Variants in TFEB observed in about 807,000 individuals in gnomAD.
TFEB encodes T-cell transcription factor EB.
A neutral mutation model predicts 48.0 loss-of-function variants in TFEB; 12 were observed. That is an observed-to-expected ratio of 0.25 (90% CI 0.16 to 0.40). The LOEUF is 0.40. TFEB is among the 10% of genes least tolerant of loss of function. The pLI, the probability that TFEB is intolerant of heterozygous loss-of-function variation, is 1.00. For synonymous variants in TFEB, 244 were observed against 261.4 expected (o/e 0.93, Z 0.64); for missense variants, 509 against 640.3 (o/e 0.79, Z 2.21).
At position 41,686,233 on chromosome 6, in the gene TFEB, C is replaced by T. The variant is rs762070252; in HGVS notation, c.808G>A (p.Val270Met). 1.7e-5 allele frequency: 27 copies of T among 1,613,942 alleles called. No homozygotes were observed. The Admixed American group carries it at 2.7e-4, about 16-fold the overall frequency. Reference protein sequence around the residue: ...MLIPKANDLDVRWNKGTILKA... With the variant: ...MLIPKANDLDMRWNKGTILKA... ...AGGATGGTGCCCTTGTTCCAGCGCACGTCCCTGCAGCAGCAGGCCAGGCAA... is the reference window on the plus strand; with the variant it reads ...AGGATGGTGCCCTTGTTCCAGCGCATGTCCCTGCAGCAGCAGGCCAGGCAA... The change falls in exon 8 of 9, where the codon GTG becomes ATG. Residue 270 changes from valine to methionine, a missense_variant. Transcript: ENST00000373033.
chr6:41,728,094 G>A (rs1481893944), intron 1 of TFEB, among the ~76,000 whole-genome samples: 2 of 152,226 alleles, frequency 1.3e-5, no homozygotes, highest in African/African-American at 4.8e-5. Flanking sequence ...CAGGGCAAAG[G>A]GCAGGTATCA....
At chr6:41,689,892 T>A in intron 3 of TFEB, 81 bp from the exon 4 acceptor site, 1 of 1,121,394 alleles carries the variant, frequency 8.9e-7, no homozygotes, top group Non-Finnish European at 1.3e-6. Context: ...ACCACTGACC[T>A]GGAGGGACCT....
chr6:41,693,841 C>T (rs571679146), intron 1 of TFEB, among the ~76,000 whole-genome samples: 125 of 152,256 alleles, frequency 8.2e-4, no homozygotes, highest in African/African-American at 2.8e-3. Context: ...CCTTTGCCCA[C>T]CCCCTTCCTA....
At position 41,730,354 on chromosome 6, in the gene TFEB, G is replaced by A. The variant is rs1283772228; in HGVS notation, c.-23+4996C>T. Among the ~76,000 whole-genome samples, 1 of 152,198 alleles carries A rather than the reference G, an allele frequency of 6.6e-6. No individual in the cohort carries two copies. Among genetic ancestry groups the A allele is most frequent in the African/African-American group, 2.4e-5 (1 of 41,458 alleles). On this transcript the variant is annotated intron_variant, in intron 1 of 8. Transcript: ENST00000373033. This position sits in a 1 kb window ranked among gnomAD's most constrained non-coding sequence, Gnocchi z 4.1. ...AATATGAGCCATGGGTTTCTGGATG[G>A]AGAGTCTGGTGGAATCCCTGGATTA... is the stretch of plus-strand genomic sequence containing the variant.
intron 1 of TFEB, among the ~76,000 whole-genome samples, chr6:41,727,592 T>C (rs1245343650): frequency 1.3e-5 from 2 of 152,146 alleles, no homozygotes; most frequent in Non-Finnish European, 2.9e-5. Context: ...CTTGGGAAGC[T>C]AAGGTAAGAG....
intron 1 of TFEB, among the ~76,000 whole-genome samples, chr6:41,705,156 G>A (rs1770143664): frequency 6.6e-6 from 1 of 152,160 alleles, no homozygotes; most frequent in African/African-American, 2.4e-5. Context: ...ACAACCTTTG[G>A]GACAGTGTGT....
At chr6:41,693,955 C>A (rs1332352911) in intron 1 of TFEB, among the ~76,000 whole-genome samples, 56 of 151,722 alleles carry the variant, frequency 3.7e-4, no homozygotes, top group Non-Finnish European at 5.0e-4. Flanking sequence ...AACCCACCCC[C>A]TCGCAGCTGT....
At chr6:41,718,198 GTT>G (rs1770819671) in intron 1 of TFEB, among the ~76,000 whole-genome samples, 3 of 151,486 alleles carry the variant, frequency 2.0e-5, no homozygotes, top group African/African-American at 7.3e-5. Context: ...TTTTTTTGTT[GTT>G]TTATTTTGTT....
At chr6:41,714,167 ATG>A (rs201060855) in intron 1 of TFEB, among the ~76,000 whole-genome samples, 13,531 of 137,576 alleles carry the variant, frequency 0.098, 771 homozygotes, top group East Asian at 0.2. Flanking sequence ...ATGCGTGTGC[ATG>A]TGTGCGTGTG....
At chr6:41,695,119 A>G (rs1470293546) in intron 1 of TFEB, among the ~76,000 whole-genome samples, 1 of 152,198 alleles carries the variant, frequency 6.6e-6, no homozygotes, top group Non-Finnish European at 1.5e-5. Flanking sequence ...TCAGAAAGCT[A>G]CTTCACCTCT....
At chr6:41,725,608 A>G (rs944286308) in intron 1 of TFEB, among the ~76,000 whole-genome samples, 2 of 152,216 alleles carry the variant, frequency 1.3e-5, no homozygotes, top group Non-Finnish European at 2.9e-5. Flanking sequence ...CTGGCATTCA[A>G]TATTACCCTG....
At chr6:41,689,861 G>T in intron 3 of TFEB, 50 bp from the exon 4 acceptor site, 2 of 1,483,298 alleles carry the variant, frequency 1.3e-6, no homozygotes, top group South Asian at 1.1e-5. Context: ...GAGGTGGGCA[G>T]GGGAAAGAGG....
At chr6:41,716,265 AC>A (rs1319455430) in intron 1 of TFEB, among the ~76,000 whole-genome samples, 1 of 152,152 alleles carries the variant, frequency 6.6e-6, no homozygotes, top group Non-Finnish European at 1.5e-5. Flanking sequence ...AGGCAGTCTC[AC>A]CCCAGTGGTA....
intron 1 of TFEB, among the ~76,000 whole-genome samples, chr6:41,726,163 C>A (rs887691196): frequency 6.6e-6 from 1 of 152,114 alleles, no homozygotes. Flanking sequence ...TACGGCTATA[C>A]ACAACATAAG....
At chr6:41,707,822 G>A (rs1308358638) in intron 1 of TFEB, among the ~76,000 whole-genome samples, 1 of 152,278 alleles carries the variant, frequency 6.6e-6, no homozygotes, top group Non-Finnish European at 1.5e-5. Flanking sequence ...ACAGAGGGAG[G>A]CTACTAGGAG....
intron 1 of TFEB, among the ~76,000 whole-genome samples, chr6:41,695,452 G>A (rs1170619318): frequency 6.6e-6 from 1 of 152,250 alleles, no homozygotes; most frequent in African/African-American, 2.4e-5. Context: ...TTTTCCTAAT[G>A]TTAATTCTGT....
rs553576024 is a variant in TFEB, at chr6:41,729,915, C to T, written c.-23+5435G>A. Among the ~76,000 whole-genome samples the T allele has an allele frequency of 5.9e-5, 9 of 152,328 alleles. No individual in the cohort carries two copies. The South Asian group carries it at 1.0e-3, about 18-fold the overall frequency. On this transcript the variant is annotated intron_variant, in intron 1 of 8. Coordinates refer to ENST00000373033, the MANE Select transcript of TFEB (RefSeq NM_001271944.2). The stretch of plus-strand genomic sequence containing the variant: ...GCTGCAAAGCGGCAGGACCCGAAGG[C>T]AGTGGTTTTCCAGGTGTGCTCTGGG...
intron 1 of TFEB, chr6:41,706,054 C>A: frequency 6.6e-6 from 1 of 152,252 alleles, no homozygotes; most frequent in Non-Finnish European, 1.5e-5. Context: ...CACGAGTTCC[C>A]ACCAGGAGAG....
intron 1 of TFEB, chr6:41,733,538 C>T: frequency 1.2e-6 from 1 of 829,544 alleles, no homozygotes; most frequent in Non-Finnish European, 1.5e-6. Context: ...ACAGCTCTGC[C>T]CTTCATTTAC....
Sources: allele counts gnomAD v4.1 joint callset (sites outside exome capture counted in the v4.1 genomes callset), GRCh38; gene constraint gnomAD v4.1.1; non-coding constraint Gnocchi (gnomAD v3.1); transcripts MANE v1.5; gene names NCBI Gene and HGNC (gene_info 2026-07-23, HGNC 2026-07-21).